Variants in PLPP3 observed in about 807,000 individuals in gnomAD.
The protein encoded by PLPP3 is phospholipid phosphatase 3.
In PLPP3, 6 loss-of-function variants were observed where a neutral mutation model predicts 29.6. The observed-to-expected ratio is 0.20, with a 90% CI of 0.11 to 0.40. The LOEUF is 0.40. Among genes scored for constraint, PLPP3 ranks in the 10% least tolerant of loss-of-function variants. The pLI is 1.00. For synonymous variants in PLPP3, 152 were observed against 159.7 expected, an observed-to-expected ratio of 0.95 and a Z score of 0.36; for missense variants, 308 against 407.7, an observed-to-expected ratio of 0.76 and a Z score of 2.11.
chr1:56,512,230 CTA>C, intron 4 of PLPP3, 78 bp from the exon 5 acceptor site: 1 of 1,287,894 alleles, frequency 7.8e-7, no homozygotes, highest in South Asian at 1.6e-5. Context: ...GTGACACACA[CTA>C]CATTTCTACG....
At chr1:56,553,250 C>T (rs1646052401) in intron 1 of PLPP3, among the ~76,000 whole-genome samples, 2 of 152,174 alleles carry the variant, frequency 1.3e-5, no homozygotes, top group South Asian at 4.1e-4. Context: ...TTATCCTCTC[C>T]ACAGTCCTGG....
chr1:56,497,852 A>C (rs1254571477), intron 5 of PLPP3, among the ~76,000 whole-genome samples: 1 of 152,234 alleles, frequency 6.6e-6, no homozygotes, highest in African/African-American at 2.4e-5. Flanking sequence ...GCAACACGGC[A>C]ATCAAGAAAG....
At chr1:56,499,562 C>A (rs932673852) in intron 5 of PLPP3, among the ~76,000 whole-genome samples, 8 of 152,188 alleles carry the variant, frequency 5.3e-5, no homozygotes, top group African/African-American at 1.9e-4. Flanking sequence ...ATTGACAATA[C>A]AACTCCTACA....
chr1:56,524,394 C>T lies in PLPP3; in HGVS notation c.458G>A (p.Arg153His), dbSNP rs778042742. 11 of 1,613,966 alleles carry T rather than the reference C, an allele frequency of 6.8e-6. No individual in the cohort carries two copies. Among genetic ancestry groups the T allele is most frequent in the South Asian group, 1.1e-5 (1 of 91,086 alleles). The change falls in exon 3 of 6, where the codon CGC (arginine) becomes CAC (histidine). Residue 153 changes from arginine (R) to histidine (H), a missense_variant. This residue lies in a region of PLPP3 where 232 missense variants were observed against 317.2 expected (regional missense o/e 0.73). Transcript: ENST00000371250. The surrounding 1 kb of genome is among the most constrained non-coding windows in gnomAD (Gnocchi z 4.3). ...GACACTCAAGAAGTGAGGACGCAGG[C>T]GCCCTATGGACACTTTGGCAATGTC... Reference protein sequence around the residue: ...FTDIAKVSIGRLRPHFLSVCN... With the variant: ...FTDIAKVSIGHLRPHFLSVCN...
At chr1:56,506,732 C>T (rs1028300273) in intron 5 of PLPP3, among the ~76,000 whole-genome samples, 9 of 152,140 alleles carry the variant, frequency 5.9e-5, no homozygotes, top group Non-Finnish European at 8.8e-5. Context: ...GTAAAGTTCA[C>T]ATCTTTGGTA....
chr1:56,519,894 A>T (rs903238196), intron 4 of PLPP3, among the ~76,000 whole-genome samples: 1 of 152,124 alleles, frequency 6.6e-6, no homozygotes, highest in Admixed American at 6.6e-5. Context: ...CCTAACATGA[A>T]GTGCCCTTAA....
intron 1 of PLPP3, 86 bp downstream of exon 1, chr1:56,578,792 C>G (rs1646255937): frequency 7.9e-7 from 1 of 1,259,600 alleles, no homozygotes; most frequent in Non-Finnish European, 9.9e-7. Context: ...CGGCGCGGCG[C>G]GGCGCTGCGC....
intron 5 of PLPP3, among the ~76,000 whole-genome samples, chr1:56,510,933 A>C (rs1324136507): frequency 6.6e-6 from 1 of 152,224 alleles, no homozygotes; most frequent in Non-Finnish European, 1.5e-5. Flanking sequence ...GAGAGGCTGC[A>C]TAGTGAGACA....
At chr1:56,560,944 T>C (rs1646121794) in intron 1 of PLPP3, among the ~76,000 whole-genome samples, 1 of 149,636 alleles carries the variant, frequency 6.7e-6, no homozygotes, top group Non-Finnish European at 1.5e-5. Context: ...TTCACACCAT[T>C]CTCCTGCCTC....
At chr1:56,541,349 GGAAA>G (rs1481091033) in intron 1 of PLPP3, among the ~76,000 whole-genome samples, 3 of 152,046 alleles carry the variant, frequency 2.0e-5, no homozygotes, top group African/African-American at 7.2e-5. Context: ...AGGGAATGAA[GGAAA>G]GAAAGGCGAA....
At chr1:56,531,424 G>A (rs1645887698) in intron 2 of PLPP3, among the ~76,000 whole-genome samples, 1 of 152,142 alleles carries the variant, frequency 6.6e-6, no homozygotes, top group Non-Finnish European at 1.5e-5. Context: ...TCAGCTTATA[G>A]GCCAAGGTGC....
At chr1:56,496,758 G>A (rs1317696486) in intron 5 of PLPP3, 82 bp from the exon 6 acceptor site, 36 of 1,490,276 alleles carry the variant, frequency 2.4e-5, no homozygotes, top group South Asian at 8.8e-5. Flanking sequence ...TCAGAGGAGC[G>A]CAGACTTCAG....
At position 56,579,020 on chromosome 1, in the gene PLPP3, G is replaced by A; in HGVS notation, c.-4C>T. 4 of 1,588,732 alleles carry A rather than the reference G, an allele frequency of 2.5e-6. No individual in the cohort carries two copies. The highest frequency in any genetic ancestry group is 1.7e-5 in the Admixed American group (1 of 57,922). ...TGTCGTACTTGTAGTTTTGCATGGC[G>A]CTGGCTGCGGCGCGAGCCTCCCGCC... On this transcript the variant is annotated 5_prime_UTR_variant, in exon 1 of 6. Coordinates refer to ENST00000371250, the MANE Select transcript of PLPP3 (RefSeq NM_003713.5).
At chr1:56,555,376 G>A (rs1434599627) in intron 1 of PLPP3, among the ~76,000 whole-genome samples, 34 of 148,538 alleles carry the variant, frequency 2.3e-4, no homozygotes, top group Non-Finnish European at 4.3e-4. Context: ...GTGCCTGTTG[G>A]GGTGTGTGTG....
At chr1:56,533,584 G>T (rs116000000) in intron 2 of PLPP3, among the ~76,000 whole-genome samples, 1,985 of 147,002 alleles carry the variant, frequency 0.014, 21 homozygotes, top group Non-Finnish European at 0.021. Flanking sequence ...TTAGCTGTAA[G>T]AATCAACCTC....
chr1:56,523,794 A>G, intron 4 of PLPP3, 29 bp downstream of exon 4: 2 of 1,600,258 alleles, frequency 1.2e-6, no homozygotes, highest in Non-Finnish European at 1.7e-6. Flanking sequence ...GGAACTGAGC[A>G]CTGCTCAAAT....
At chr1:56,504,893 A>ACTAGATCATTCT (rs1645692398) in intron 5 of PLPP3, among the ~76,000 whole-genome samples, 1 of 152,092 alleles carries the variant, frequency 6.6e-6, no homozygotes, top group Non-Finnish European at 1.5e-5. Context: ...GTCTATTCCT[A>ACTAGATCATTCT]CTAGATCATT....
At position 56,546,826 on chromosome 1, in the gene PLPP3, T is replaced by C. The variant is rs1023425847; in HGVS notation, c.140-9714A>G. On this transcript the variant is annotated intron_variant, in intron 1 of 5. Coordinates refer to ENST00000371250, the MANE Select transcript of PLPP3 (RefSeq NM_003713.5). ...CTTATCTTAATAAATTGCATGGTTA[T>C]GCTTCAGAAGATACAGTGGACCCAA... is the stretch of plus-strand genomic sequence containing the variant. Among the ~76,000 whole-genome samples the C allele has an allele frequency of 2.8e-4, 43 of 152,228 alleles. 1 individual carries two copies. The highest frequency in any genetic ancestry group is 5.4e-4 in the Non-Finnish European group (37 of 68,040).
intron 3 of PLPP3, 99 bp from the exon 4 acceptor site, chr1:56,523,979 G>C (rs1645835797): frequency 7.3e-7 from 1 of 1,369,418 alleles, no homozygotes; most frequent in Non-Finnish European, 1.0e-6. Flanking sequence ...CTTGAGAGCA[G>C]GCACTAGGCC....
Sources: gnomAD v4.1 joint callset for allele counts (sites outside exome capture counted in the v4.1 genomes callset) on GRCh38, gnomAD v4.1.1 for gene constraint, gnomAD v4.1.1 regional missense constraint, Gnocchi (gnomAD v3.1) non-coding constraint, MANE v1.5 for transcripts, NCBI Gene and HGNC (gene_info 2026-07-23, HGNC 2026-07-21) for gene names.